Variants in STXBP5L observed in about 807,000 individuals in gnomAD.
The protein encoded by STXBP5L is syntaxin binding protein 5L.
STXBP5L carries 65 observed loss-of-function variants against 144.5 expected under a neutral mutation model. The ratio of observed to expected loss-of-function variants is 0.45; its 90% CI spans 0.37 to 0.55. The LOEUF (loss-of-function observed/expected upper bound fraction) is 0.55. STXBP5L is among the 20% of genes least tolerant of loss of function. STXBP5L has a pLI of 0.00. For missense variants in STXBP5L, 1,298 were observed against 1,405.5 expected (o/e 0.92, Z 1.22); for synonymous variants, 505 against 469.6 (o/e 1.08, Z -0.97).
At chr3:121,288,922 T>C (rs1161301166) in intron 19 of STXBP5L, among the ~76,000 whole-genome samples, 6 of 152,190 alleles carry the variant, frequency 3.9e-5, no homozygotes, top group African/African-American at 1.4e-4. Context: ...TCAGGTCCTA[T>C]GTCACATGGA....
At chr3:121,304,050 A>T (rs338962) in intron 19 of STXBP5L, among the ~76,000 whole-genome samples, 73,912 of 151,456 alleles carry the variant, frequency 0.49, 18,503 homozygotes, top group East Asian at 0.73. Context: ...CGTTGAAAGT[A>T]AAAGAAGGGG....
At chr3:121,208,609 A>T (rs2048431613) in intron 10 of STXBP5L, among the ~76,000 whole-genome samples, 1 of 152,146 alleles carries the variant, frequency 6.6e-6, no homozygotes, top group Admixed American at 6.6e-5. Context: ...TTGCCTCTTG[A>T]AATATTACTT....
chr3:121,014,603 C>A (rs1314894683), intron 3 of STXBP5L, among the ~76,000 whole-genome samples: 4 of 148,488 alleles, frequency 2.7e-5, no homozygotes. Flanking sequence ...TTATGAATAC[C>A]AAACATTAGG....
chr3:121,126,404 C>A (rs1443505587), intron 7 of STXBP5L, among the ~76,000 whole-genome samples: 7 of 152,130 alleles, frequency 4.6e-5, no homozygotes, highest in Admixed American at 3.9e-4. Context: ...TGTAAACCCT[C>A]AGTATTGGAT....
chr3:120,964,197 A>C (rs1369658250), intron 3 of STXBP5L, among the ~76,000 whole-genome samples: 1 of 151,990 alleles, frequency 6.6e-6, no homozygotes, highest in African/African-American at 2.4e-5. Flanking sequence ...TGGTCTATCA[A>C]TTTTGTTGAT....
intron 3 of STXBP5L, among the ~76,000 whole-genome samples, chr3:120,983,412 G>T (rs1384095239): frequency 6.6e-6 from 1 of 152,090 alleles, no homozygotes; most frequent in East Asian, 1.9e-4. Flanking sequence ...TGTTTTTGGG[G>T]CCTTGTGAAG....
chr3:121,403,888 GC>G (rs1160218869), intron 22 of STXBP5L, among the ~76,000 whole-genome samples: 1 of 151,904 alleles, frequency 6.6e-6, no homozygotes, highest in Admixed American at 6.6e-5. Flanking sequence ...AATCTCTTTA[GC>G]TTGTTCCTCC....
chr3:121,256,288 A>T (rs73191455), intron 16 of STXBP5L, among the ~76,000 whole-genome samples: 5,399 of 152,130 alleles, frequency 0.035, 147 homozygotes, highest in Middle Eastern at 0.083. Flanking sequence ...TAGTTTTAAA[A>T]TAATTATGAC....
chr3:121,367,237 C>T (rs1018665433), intron 20 of STXBP5L, among the ~76,000 whole-genome samples: 2 of 152,074 alleles, frequency 1.3e-5, no homozygotes, highest in African/African-American at 4.8e-5. Flanking sequence ...GATCTTTATT[C>T]CTTCATATGG....
chr3:121,173,978 C>T (rs2108073507), intron 9 of STXBP5L, among the ~76,000 whole-genome samples: 1 of 152,100 alleles, frequency 6.6e-6, no homozygotes, highest in East Asian at 1.9e-4. Flanking sequence ...CCGGAGGGAT[C>T]ACCTTTTACT....
At chr3:121,335,544 C>G (rs2044475881) in intron 20 of STXBP5L, among the ~76,000 whole-genome samples, 1 of 152,162 alleles carries the variant, frequency 6.6e-6, no homozygotes, top group African/African-American at 2.4e-5. Context: ...TACCCAACTT[C>G]AAACTATACT....
intron 3 of STXBP5L, among the ~76,000 whole-genome samples, chr3:120,988,935 A>T (rs1451374363): frequency 6.6e-6 from 1 of 152,034 alleles, no homozygotes; most frequent in African/African-American, 2.4e-5. Flanking sequence ...TATTTCTGAG[A>T]TATTTCACTT....
chr3:121,408,854 G>A (rs1224146804), intron 23 of STXBP5L, among the ~76,000 whole-genome samples: 1 of 151,904 alleles, frequency 6.6e-6, no homozygotes, highest in Non-Finnish European at 1.5e-5. Flanking sequence ...GTTATGAACA[G>A]TAATGGAAGT....
intron 3 of STXBP5L, among the ~76,000 whole-genome samples, chr3:120,962,659 A>G (rs1393028101): frequency 1.3e-5 from 2 of 152,164 alleles, no homozygotes; most frequent in South Asian, 2.1e-4. Context: ...TACCAGTACC[A>G]TGCTGTTTTG....
intron 20 of STXBP5L, among the ~76,000 whole-genome samples, chr3:121,328,914 C>T (rs1406586079): frequency 1.3e-5 from 2 of 151,770 alleles, no homozygotes; most frequent in South Asian, 2.1e-4. Flanking sequence ...CCTTCTATTC[C>T]TCATTAGAAA....
At chr3:121,402,816 T>A (rs1293147760) in intron 22 of STXBP5L, among the ~76,000 whole-genome samples, 1 of 152,128 alleles carries the variant, frequency 6.6e-6, no homozygotes, top group Non-Finnish European at 1.5e-5. Context: ...TGGTTGTGTG[T>A]GTATGTGTGT....
intron 10 of STXBP5L, among the ~76,000 whole-genome samples, chr3:121,206,332 T>C (rs952664171): frequency 5.3e-5 from 8 of 152,188 alleles, no homozygotes; most frequent in Admixed American, 1.3e-4. Flanking sequence ...TAATATTGCA[T>C]GTGAAAGACT....
At chr3:120,977,922 T>G (rs1371220316) in intron 3 of STXBP5L, among the ~76,000 whole-genome samples, 1 of 152,270 alleles carries the variant, frequency 6.6e-6, no homozygotes, top group Non-Finnish European at 1.5e-5. Flanking sequence ...CTGCTGTTAG[T>G]CTGATGGGCT....
intron 22 of STXBP5L, among the ~76,000 whole-genome samples, chr3:121,382,660 A>C (rs2108684947): frequency 6.6e-6 from 1 of 152,256 alleles, no homozygotes; most frequent in African/African-American, 2.4e-5. Flanking sequence ...ACACAAGTTT[A>C]AAGCTGTAAG....
Sources: gnomAD v4.1 joint callset for allele counts (sites outside exome capture counted in the v4.1 genomes callset) on GRCh38, gnomAD v4.1.1 for gene constraint, MANE v1.5 for transcripts, NCBI Gene and HGNC (gene_info 2026-07-23, HGNC 2026-07-21) for gene names.